Variants in SEMA3A observed in about 807,000 individuals in gnomAD.
SEMA3A encodes semaphorin-3A.
In SEMA3A, 29 loss-of-function variants were observed where a neutral mutation model predicts 97.9. The observed-to-expected ratio is 0.30, with a 90% CI of 0.22 to 0.40. The LOEUF (loss-of-function observed/expected upper bound fraction) is 0.40, where lower values mean the gene tolerates loss of function less well. Ranked by LOEUF, SEMA3A falls within the 10% of genes least tolerant of loss-of-function variation. The pLI, the probability that SEMA3A is intolerant of heterozygous loss-of-function variation, is 1.00. For synonymous variants in SEMA3A, 321 were observed against 323.7 expected, an observed-to-expected ratio of 0.99 and a Z score of 0.09; for missense variants, 763 against 951.3, an observed-to-expected ratio of 0.80 and a Z score of 2.60.
intron 1 of SEMA3A, among the ~76,000 whole-genome samples, chr7:84,375,398 T>C (rs961396874): frequency 2.6e-5 from 4 of 152,174 alleles, no homozygotes; most frequent in Non-Finnish European, 4.4e-5. Flanking sequence ...CCACCTTATT[T>C]GTCTTTCTAA....
chr7:84,286,057 T>G (rs762918901), intron 3 of SEMA3A, among the ~76,000 whole-genome samples: 1 of 151,670 alleles, frequency 6.6e-6, no homozygotes, highest in Non-Finnish European at 1.5e-5. Flanking sequence ...TCAAATTCAA[T>G]GTATAAACTG....
At chr7:84,104,740 A>G (rs1253852854) in intron 4 of SEMA3A, among the ~76,000 whole-genome samples, 1 of 151,906 alleles carries the variant, frequency 6.6e-6, no homozygotes, top group African/African-American at 2.4e-5. Context: ...GATAATATTT[A>G]GAATTTAGAA....
intron 3 of SEMA3A, among the ~76,000 whole-genome samples, chr7:84,250,201 T>C (rs1799573781): frequency 6.6e-6 from 1 of 152,034 alleles, no homozygotes; most frequent in South Asian, 2.1e-4. Flanking sequence ...ATTTCTTATG[T>C]ATCACTTTAT....
chr7:84,197,891 C>T (rs1013328465), upstream of SEMA3A, among the ~76,000 whole-genome samples: 2 of 151,914 alleles, frequency 1.3e-5, no homozygotes, highest in Non-Finnish European at 2.9e-5. Context: ...AGGCACACGC[C>T]GCCACGCCCA....
At chr7:84,300,153 AAAT>A in intron 3 of SEMA3A, among the ~76,000 whole-genome samples, 1 of 151,786 alleles carries the variant, frequency 6.6e-6, no homozygotes, top group Non-Finnish European at 1.5e-5. Context: ...ATAAAGGAGA[AAAT>A]AAAATAGAAA....
At chr7:84,132,943 G>C (rs373001288) in intron 2 of SEMA3A, among the ~76,000 whole-genome samples, 2 of 151,902 alleles carry the variant, frequency 1.3e-5, no homozygotes, top group South Asian at 2.1e-4. Context: ...CTGAAATGCT[G>C]GGATTACAGA....
At chr7:84,070,208 A>G (rs1333094144) in intron 4 of SEMA3A, among the ~76,000 whole-genome samples, 4 of 152,302 alleles carry the variant, frequency 2.6e-5, no homozygotes, top group African/African-American at 9.6e-5. Flanking sequence ...TGAGCATATC[A>G]TATAAGTTAT....
chr7:84,467,137 C>T (rs1269271859), intron 1 of SEMA3A, among the ~76,000 whole-genome samples: 1 of 151,996 alleles, frequency 6.6e-6, no homozygotes, highest in Non-Finnish European at 1.5e-5. Flanking sequence ...AGAAAAAAAA[C>T]CTAATCATCT....
intron 4 of SEMA3A, among the ~76,000 whole-genome samples, chr7:84,094,344 CAT>C (rs967030457): frequency 7.7e-4 from 116 of 150,626 alleles, no homozygotes; most frequent in African/African-American, 2.7e-3. Context: ...TTTTTTTTCC[CAT>C]GTTATACTTG....
Position 83,989,706 on chromosome 7 carries a change from C to A in SEMA3A, c.1453-4229G>T, listed in dbSNP as rs1349557129. 1.2e-4 allele frequency among the ~76,000 whole-genome samples: 16 copies of A among 136,052 alleles called. No homozygotes were observed. The Admixed American group carries it at 1.2e-3, about 10-fold the overall frequency. 89.3% of individuals were successfully genotyped at this position (136,052 alleles called of 152,430 possible). ...TGTATATGTGCCACATTTTCTTAAT[C>A]CAGTCTATCATTGTTGGACATTTGG... On this transcript the variant is annotated intron_variant, in intron 12 of 16. Coordinates refer to ENST00000265362, the MANE Select transcript of SEMA3A (RefSeq NM_006080.3).
At chr7:84,425,878 C>CACA (rs543736541) in intron 1 of SEMA3A, among the ~76,000 whole-genome samples, 796 of 45,774 alleles carry the variant, frequency 0.017, 6 homozygotes, top group African/African-American at 0.056. Flanking sequence ...ACACACACAC[C>CACA]CACACACACA....
At chr7:84,337,453 T>C (rs1802064831) in intron 2 of SEMA3A, among the ~76,000 whole-genome samples, 1 of 152,158 alleles carries the variant, frequency 6.6e-6, no homozygotes, top group South Asian at 2.1e-4. Flanking sequence ...GTAGTTCTCA[T>C]CTTCCAGTGT....
chr7:84,070,324 CT>C (rs1464381666), intron 4 of SEMA3A, among the ~76,000 whole-genome samples: 1 of 152,072 alleles, frequency 6.6e-6, no homozygotes, highest in East Asian at 1.9e-4. Context: ...TGTTATTAGA[CT>C]GTGGTGAGGT....
rs186203051 is a variant in SEMA3A, at chr7:84,358,474, C to G, written c.-169+13350G>C. Among the ~76,000 whole-genome samples the G allele has an allele frequency of 1.9e-4, 29 of 152,244 alleles. No individual in the cohort carries two copies. In the East Asian group the frequency reaches 4.6e-3, roughly 24 times the overall value. ...ATGTGTGGTATTATTCCTGAGGGCT[C>G]CATTCTGTTCCATTGGTCTCTGTCT... On this transcript the variant is annotated intron_variant, in intron 2 of 3. Coordinates refer to the SEMA3A transcript ENST00000424555.
At chr7:84,079,447 T>C (rs1346695733) in intron 4 of SEMA3A, among the ~76,000 whole-genome samples, 1 of 150,776 alleles carries the variant, frequency 6.6e-6, no homozygotes, top group East Asian at 1.9e-4. Flanking sequence ...TTTCGCAACC[T>C]ACTCATCTGA....
At chr7:84,046,217 C>A in intron 6 of SEMA3A, 107 bp downstream of exon 6, 1 of 1,325,106 alleles carries the variant, frequency 7.5e-7, no homozygotes, top group Admixed American at 2.2e-5. Flanking sequence ...ATTAGCTTAA[C>A]TGCACAATAA....
intron 1 of SEMA3A, among the ~76,000 whole-genome samples, chr7:84,152,170 G>C (rs1170013130): frequency 1.3e-5 from 2 of 151,592 alleles, no homozygotes; most frequent in East Asian, 3.9e-4. Flanking sequence ...AATACCATTT[G>C]ACCCAGCCAT....
At chr7:84,354,251 A>G (rs1167325178) in intron 2 of SEMA3A, among the ~76,000 whole-genome samples, 1 of 151,644 alleles carries the variant, frequency 6.6e-6, no homozygotes, top group Non-Finnish European at 1.5e-5. Context: ...CACAGTTAAG[A>G]TAAGTCAGAC....
rs1562940437 is a variant in SEMA3A, at chr7:83,961,473, T to G, written c.2214A>C (p.Gly738=). ...RDRKQRRQRP[G]HTPGNSNKWK... is the part of the protein sequence containing the mutation. ...ATTTGTTACTGTTCCCTGGGGTATG[T>G]CCTGGCCTTTGCCGACGTTGTTTTC... Residue 738 remains glycine (G), a synonymous_variant, in exon 17 of 17, where the codon GGA becomes GGC. Transcript: ENST00000265362. The G allele has an allele frequency of 6.2e-7, 1 of 1,614,106 alleles. No individual in the cohort carries two copies. Among genetic ancestry groups the G allele is most frequent in the Non-Finnish European group, 8.5e-7 (1 of 1,179,948 alleles).
Sources: allele counts gnomAD v4.1 joint callset (sites outside exome capture counted in the v4.1 genomes callset), GRCh38; gene constraint gnomAD v4.1.1; transcripts MANE v1.5; gene names NCBI Gene and HGNC (gene_info 2026-07-23, HGNC 2026-07-21).